EXOC4: variants seen among roughly 807,000 people sequenced by gnomAD.
The protein encoded by EXOC4 is exocyst complex component 4.
Under a neutral mutation model 107.2 loss-of-function variants are expected in EXOC4, and 71 were observed. The observed-to-expected ratio is 0.66, with a 90% CI of 0.55 to 0.81. The LOEUF (loss-of-function observed/expected upper bound fraction) is 0.81. Among genes scored for constraint, EXOC4 ranks in the 30% least tolerant of loss-of-function variants. EXOC4 has a pLI of 0.00. For synonymous variants in EXOC4, 456 were observed against 441.2 expected (o/e 1.03, Z -0.42); for missense variants, 1,108 against 1,189.6 (o/e 0.93, Z 1.01).
the EXOC4 span, among the ~76,000 whole-genome samples, chr7:134,085,332 C>CAA: frequency 1.1e-3 from 158 of 144,876 alleles, no homozygotes; most frequent in African/African-American, 3.7e-3. Flanking sequence ...ACAAAAACAA[C>CAA]AAAAAAAAAA....
chr7:133,817,479 C>A lies in EXOC4; in HGVS notation c.1669C>A (p.Pro557Thr). The change falls in exon 11 of 18, where the codon CCT (proline) becomes ACT (threonine). Residue 557 changes from proline to threonine, a missense_variant. Pro to Thr is a conservative substitution (Grantham distance 38). Coordinates refer to ENST00000253861, the MANE Select transcript of EXOC4 (RefSeq NM_021807.4). Reference protein sequence around the residue: ...EIEGVTKTSDPLKILANADTM... With the variant: ...EIEGVTKTSDTLKILANADTM... ...TGAAGGAGTCACTAAAACATCTGAC[C>A]CTTTGAAGATTCTGGCCAACGCAGA... The A allele has an allele frequency of 6.2e-7, 1 of 1,614,086 alleles. No individual in the cohort carries two copies.
chr7:133,995,990 G>T (rs536834348), intron 14 of EXOC4, among the ~76,000 whole-genome samples: 1 of 151,970 alleles, frequency 6.6e-6, no homozygotes. Flanking sequence ...TTCTTCCAAA[G>T]GACTCTTTGA....
chr7:133,881,979 T>C (rs1798975916), intron 11 of EXOC4, among the ~76,000 whole-genome samples: 1 of 152,170 alleles, frequency 6.6e-6, no homozygotes. Flanking sequence ...ACCAACCAGA[T>C]GCCTTTCCCA....
At chr7:133,823,601 G>A (rs1253877235) in intron 11 of EXOC4, among the ~76,000 whole-genome samples, 1 of 151,182 alleles carries the variant, frequency 6.6e-6, no homozygotes, top group Non-Finnish European at 1.5e-5. Flanking sequence ...GATCACTTGA[G>A]GTCAGCAGTT....
chr7:134,054,874 G>C (rs1795886680), intron 17 of EXOC4, among the ~76,000 whole-genome samples: 1 of 152,144 alleles, frequency 6.6e-6, no homozygotes, highest in African/African-American at 2.4e-5. Context: ...TAAACCTGCT[G>C]GATATTGTTC....
intron 14 of EXOC4, among the ~76,000 whole-genome samples, chr7:133,973,457 A>C (rs1236064554): frequency 1.3e-5 from 2 of 152,190 alleles, no homozygotes; most frequent in Non-Finnish European, 2.9e-5. Flanking sequence ...AAAGGCTATG[A>C]AGTGGAAGAA....
At chr7:133,725,284 G>T (rs745884960) in intron 10 of EXOC4, among the ~76,000 whole-genome samples, 1 of 152,220 alleles carries the variant, frequency 6.6e-6, no homozygotes, top group Non-Finnish European at 1.5e-5. Flanking sequence ...AAAGCAGGGA[G>T]AAGCCTTAGG....
chr7:133,780,235 C>A (rs73152980), intron 10 of EXOC4, among the ~76,000 whole-genome samples: 17,642 of 139,192 alleles, frequency 0.13, 1,127 homozygotes, highest in Middle Eastern at 0.16. Context: ...ATATGCTTCC[C>A]AAAAAAAAAA....
At chr7:133,772,704 C>A (rs540112000) in intron 10 of EXOC4, among the ~76,000 whole-genome samples, 157 of 152,170 alleles carry the variant, frequency 1.0e-3, no homozygotes, top group African/African-American at 3.6e-3. Flanking sequence ...TTTAAGCATT[C>A]TCAGAAATTC....
At chr7:133,413,870 A>G (rs186198722) in intron 7 of EXOC4, among the ~76,000 whole-genome samples, 1 of 152,262 alleles carries the variant, frequency 6.6e-6, no homozygotes, top group East Asian at 1.9e-4. Context: ...AGTCCAGGCC[A>G]TCTCAGACAG....
chr7:133,281,821 C>T (rs753704540), intron 2 of EXOC4, among the ~76,000 whole-genome samples: 7 of 151,768 alleles, frequency 4.6e-5, no homozygotes, highest in Non-Finnish European at 8.8e-5. Context: ...CCTGCCTCAC[C>T]CTCCCAAGTA....
At chr7:133,324,712 G>A (rs958003360) in intron 5 of EXOC4, among the ~76,000 whole-genome samples, 5 of 152,204 alleles carry the variant, frequency 3.3e-5, no homozygotes, top group African/African-American at 1.2e-4. Context: ...GAGTTCTGTA[G>A]AGGTCTATTA....
At chr7:133,787,966 T>TGGA (rs1796618467) in intron 10 of EXOC4, among the ~76,000 whole-genome samples, 1 of 16,484 alleles carries the variant, frequency 6.1e-5, no homozygotes, top group Non-Finnish European at 1.3e-4. Context: ...TATATATTTA[T>TGGA]ATATATATAT....
chr7:133,954,404 G>A (rs1036362268), intron 14 of EXOC4, among the ~76,000 whole-genome samples: 3 of 152,140 alleles, frequency 2.0e-5, no homozygotes, highest in Middle Eastern at 3.2e-3. Flanking sequence ...GTAATCATTA[G>A]GAAGACATTT....
At position 133,470,241 on chromosome 7, in the gene EXOC4, A is replaced by T. The variant is rs189310191; in HGVS notation, c.1183-5087A>T. 4.6e-5 allele frequency among the ~76,000 whole-genome samples: 7 copies of T among 152,346 alleles called. No homozygotes were observed. The East Asian group carries it at 1.4e-3, about 29-fold the overall frequency. ...ATGACTCTCATATTTATTTAAAAAA[A>T]ACCTCTGCATGTATAACCACAAACA... On this transcript the variant is annotated intron_variant, in intron 7 of 17. Transcript: ENST00000253861.
intron 5 of EXOC4, among the ~76,000 whole-genome samples, chr7:133,340,474 G>A (rs143034075): frequency 1.2e-3 from 165 of 141,170 alleles, no homozygotes; most frequent in African/African-American, 4.2e-3. Context: ...TGGGGATATT[G>A]GTATGTACTT....
At chr7:133,835,581 T>A (rs1024308529) in intron 11 of EXOC4, among the ~76,000 whole-genome samples, 4 of 152,210 alleles carry the variant, frequency 2.6e-5, no homozygotes, top group African/African-American at 9.6e-5. Flanking sequence ...AGGTTTGCCC[T>A]GAGCAGTTTC....
intron 15 of EXOC4, among the ~76,000 whole-genome samples, chr7:134,002,502 G>C (rs1423363885): frequency 6.6e-6 from 1 of 152,040 alleles, no homozygotes; most frequent in Non-Finnish European, 1.5e-5. Flanking sequence ...AACCATTTTT[G>C]ATAGACATTG....
chr7:133,900,672 A>G (rs1416764184), intron 12 of EXOC4, among the ~76,000 whole-genome samples: 1 of 151,996 alleles, frequency 6.6e-6, no homozygotes, highest in Non-Finnish European at 1.5e-5. Context: ...AAGTGCCTGA[A>G]TCAGGGGACA....
Sources: gnomAD v4.1 joint callset for allele counts (sites outside exome capture counted in the v4.1 genomes callset) on GRCh38, gnomAD v4.1.1 for gene constraint, MANE v1.5 for transcripts, NCBI Gene and HGNC (gene_info 2026-07-23, HGNC 2026-07-21) for gene names.